Variants in SLC7A5 observed in about 807,000 individuals in gnomAD.
SLC7A5 encodes solute carrier family 7 member 5, also known as large neutral amino acids transporter small subunit 1.
A neutral mutation model predicts 50.2 loss-of-function variants in SLC7A5; 23 were observed. That is an observed-to-expected ratio of 0.46 (90% CI 0.33 to 0.65). SLC7A5 has a LOEUF of 0.65. SLC7A5 is among the 30% of genes least tolerant of loss of function. The pLI is 0.02. For synonymous variants in SLC7A5, 393 were observed against 330.6 expected (o/e 1.19, Z -2.05); for missense variants, 578 against 684.4 (o/e 0.84, Z 1.73).
Position 87,832,532 on chromosome 16 carries a change from G to C in SLC7A5, c.*438C>G, listed in dbSNP as rs1060253. 0.25 allele frequency: 38,908 copies of C among 153,570 alleles called. 5,775 individuals are homozygous for C. Among genetic ancestry groups the C allele is most frequent in the East Asian group, 0.59 (3,061 of 5,172 alleles). The allele number at this position is 153,570 out of a possible 1,614,324, so 9.5% of individuals were successfully genotyped here. ...CTGTCCGGCTTCAGTGCAAGTCTGT[G>C]GTAGCAATGAGGTTCCAAGTCTCAG... On this transcript the variant is annotated 3_prime_UTR_variant, in exon 10 of 10. Transcript: ENST00000261622. The surrounding 1 kb of genome is among the most constrained non-coding windows in gnomAD (Gnocchi z 4.6).
chr16:87,835,537 T>G (rs529214183), intron 8 of SLC7A5, among the ~76,000 whole-genome samples: 3 of 152,376 alleles, frequency 2.0e-5, no homozygotes, highest in Admixed American at 2.0e-4. Flanking sequence ...TCGTCCAGGC[T>G]GGAGTACAGT....
At position 87,862,487 on chromosome 16, in the gene SLC7A5, G is replaced by C. The variant is rs1380564762; in HGVS notation, c.538+6398C>G. Among the ~76,000 whole-genome samples, 1 of 152,220 alleles carries C rather than the reference G, an allele frequency of 6.6e-6. No individual in the cohort carries two copies. The highest frequency in any genetic ancestry group is 2.4e-5 in the African/African-American group (1 of 41,438). On this transcript the variant is annotated intron_variant, in intron 1 of 9. Transcript: ENST00000261622. The surrounding 1 kb of genome is among the most constrained non-coding windows in gnomAD (Gnocchi z 5.3). ...CGACCCTGGGCCTGTGCCGAGCGTG[G>C]GTGGGTGACATCATCTCGCACCCAG...
chr16:87,835,575 G>A (rs2054989781), intron 8 of SLC7A5, among the ~76,000 whole-genome samples: 1 of 152,208 alleles, frequency 6.6e-6, no homozygotes, highest in Non-Finnish European at 1.5e-5. Context: ...CCAGGTTCAT[G>A]CCATTCTCCT....
chr16:87,858,179 A>G (rs968365188), intron 1 of SLC7A5, among the ~76,000 whole-genome samples: 3 of 152,228 alleles, frequency 2.0e-5, no homozygotes, highest in Admixed American at 6.5e-5. Flanking sequence ...AACTCCGGCA[A>G]GTTCCTTTGC....
Position 87,856,358 on chromosome 16 carries a change from G to A in SLC7A5, c.539-4509C>T, listed in dbSNP as rs144979221. Among the ~76,000 whole-genome samples the A allele has an allele frequency of 3.7e-3, 568 of 152,332 alleles. 3 individuals carry two copies. The highest frequency in any genetic ancestry group is 0.012 in the African/African-American group (494 of 41,576). Reference sequence around the variant, plus strand: ...TGTTTACCCAGAACTGCCTGCTGGAGACAGCACAGAGGAAGTGGCCGGCAG... The same window carrying A: ...TGTTTACCCAGAACTGCCTGCTGGAAACAGCACAGAGGAAGTGGCCGGCAG... On this transcript the variant is annotated intron_variant, in intron 1 of 9. Transcript: ENST00000261622.
chr16:87,861,606 G>C lies in SLC7A5; in HGVS notation c.538+7279C>G, dbSNP rs1745024487. On this transcript the variant is annotated intron_variant, in intron 1 of 9. Transcript: ENST00000261622. The surrounding 1 kb of genome is among the most constrained non-coding windows in gnomAD (Gnocchi z 4.2). ...AGAGGTGCCAAGAGGTGGTCCAAGA[G>C]TGTGCCCTACCTTGGACACCCCTCT... Among the ~76,000 whole-genome samples, 2 of 152,194 alleles carry C rather than the reference G, an allele frequency of 1.3e-5. No homozygotes were observed. Among genetic ancestry groups the C allele is most frequent in the Admixed American group, 6.5e-5 (1 of 15,282 alleles).
chr16:87,858,394 C>T (rs572598671), intron 1 of SLC7A5, among the ~76,000 whole-genome samples: 2 of 152,142 alleles, frequency 1.3e-5, no homozygotes, highest in Middle Eastern at 3.2e-3. Context: ...TGGCTAAGTG[C>T]GGAGCCTCAC....
At chr16:87,854,356 T>C (rs1399776364) in intron 1 of SLC7A5, among the ~76,000 whole-genome samples, 1 of 152,222 alleles carries the variant, frequency 6.6e-6, no homozygotes, top group Non-Finnish European at 1.5e-5. Context: ...AACAAAGGTT[T>C]CATTATTCTC....
intron 8 of SLC7A5, among the ~76,000 whole-genome samples, chr16:87,835,747 T>G (rs895153547): frequency 3.9e-5 from 6 of 152,208 alleles, no homozygotes; most frequent in Non-Finnish European, 8.8e-5. Flanking sequence ...GTGCTGGGAT[T>G]ACAGGCGTGA....
intron 7 of SLC7A5, 147 bp downstream of exon 7, chr16:87,837,698 G>C (rs2055025504): frequency 1.6e-6 from 1 of 641,246 alleles, no homozygotes; most frequent in East Asian, 2.7e-5. Flanking sequence ...GCGCTCTCTG[G>C]CATTCAGCGG....
Position 87,852,636 on chromosome 16 carries a change from CTCTGTGTGTGTG to C in SLC7A5, c.539-799_539-788del, listed in dbSNP as rs1392914896. Reference sequence around the variant, plus strand: ...CCCTGTAAGGCACCCAGCTCTGAGCCTCTGTGTGTGTGTGTGTGTGTGTGTGTGTGTGTGTGT... The same window carrying C: ...CCCTGTAAGGCACCCAGCTCTGAGCCTGTGTGTGTGTGTGTGTGTGTGTGT... On this transcript the variant is annotated intron_variant, in intron 1 of 9. Coordinates refer to ENST00000261622, the MANE Select transcript of SLC7A5 (RefSeq NM_003486.7). The surrounding 1 kb of genome is among the most constrained non-coding windows in gnomAD (Gnocchi z 4.5). Among the ~76,000 whole-genome samples the C allele has an allele frequency of 1.1e-4, 11 of 97,438 alleles. No individual in the cohort carries two copies. Among genetic ancestry groups the C allele is most frequent in the East Asian group, 6.2e-4 (1 of 1,602 alleles). 63.9% of individuals were successfully genotyped at this position (97,438 alleles called of 152,430 possible). A position where few individuals can be genotyped will look rare whatever the true frequency, so the allele number is the denominator to read the frequency against.
At chr16:87,857,629 A>T (rs1218725681) in intron 1 of SLC7A5, among the ~76,000 whole-genome samples, 2 of 152,216 alleles carry the variant, frequency 1.3e-5, no homozygotes, top group Non-Finnish European at 2.9e-5. Flanking sequence ...CAGTCTCTGC[A>T]GAGCACAAGG....
Position 87,841,163 on chromosome 16 carries a change from G to T in SLC7A5, c.665-8C>A, listed in dbSNP as rs751000952. 9 of 1,589,962 alleles carry T rather than the reference G, an allele frequency of 5.7e-6. No individual in the cohort carries two copies. The East Asian group carries it at 1.6e-4, about 28-fold the overall frequency. ...CTAGATTGGACACATCACCTGGCAG[G>T]GCCAAAGAAAGGAATGCTGGGTTAG... On this transcript the variant is annotated splice_region_variant and splice_polypyrimidine_tract_variant and intron_variant, in intron 2 of 9. Coordinates refer to ENST00000261622, the MANE Select transcript of SLC7A5 (RefSeq NM_003486.7). The surrounding 1 kb of genome is among the most constrained non-coding windows in gnomAD (Gnocchi z 4.8).
In SLC7A5 at chr16:87,833,293, GC is replaced by G. The variant is rs2054955715; in HGVS notation, c.1469-269del. On this transcript the variant is annotated intron_variant, in intron 9 of 9. Transcript: ENST00000261622. This position sits in a 1 kb window ranked among gnomAD's most constrained non-coding sequence, Gnocchi z 6.0. ...CAGAACCCTGGGGAGGCAGAGTGCGGCCCCTGGGGCACACGAACCAGGCCCT... is the reference window on the plus strand; with the variant it reads ...CAGAACCCTGGGGAGGCAGAGTGCGGCCCTGGGGCACACGAACCAGGCCCT... 6.6e-6 allele frequency among the ~76,000 whole-genome samples: 1 copy of G among 152,252 alleles called. No individual in the cohort carries two copies. The highest frequency in any genetic ancestry group is 2.4e-5 in the African/African-American group (1 of 41,466).
rs986788892 is a variant in SLC7A5, at chr16:87,836,407, T to G, written c.1290+91A>C. 25 of 1,468,844 alleles carry G rather than the reference T, an allele frequency of 1.7e-5. No individual in the cohort carries two copies. In the Admixed American group the frequency reaches 2.7e-4, roughly 16 times the overall value. 91.0% of individuals were successfully genotyped at this position (1,468,844 alleles called of 1,614,324 possible). On this transcript the variant is annotated intron_variant, in intron 8 of 9. Coordinates refer to ENST00000261622, the MANE Select transcript of SLC7A5 (RefSeq NM_003486.7). ...GCAGGGGCAGGTCCAGAGGCTGAGC[T>G]GGGATGCTGGCTCCCAACTCAGGGT...
At chr16:87,837,555 G>A (rs2055022918) in intron 7 of SLC7A5, 4 of 450,884 alleles carry the variant, frequency 8.9e-6, no homozygotes, top group Non-Finnish European at 1.6e-5. Flanking sequence ...GGGCGCCCAC[G>A]GAGGTGCAGT....
At chr16:87,866,907 C>T (rs979390778) in intron 1 of SLC7A5, among the ~76,000 whole-genome samples, 1 of 152,094 alleles carries the variant, frequency 6.6e-6, no homozygotes, top group South Asian at 2.1e-4. Flanking sequence ...CTGGCACCAG[C>T]AGGAAGTCAG....
chr16:87,869,158 A>T lies in SLC7A5; in HGVS notation c.265T>A (p.Trp89Arg). ...AGSPGLALVV[W>R]AACGVFSIVG... ...ATGGAGAAGACGCCGCACGCGGCCC[A>T]CACCACCAGCGCCAGCCCCGGCGAG... Residue 89 changes from tryptophan to arginine, a missense_variant, in exon 1 of 10, where the codon TGG becomes AGG. Physicochemically the swap from Trp to Arg is moderately radical, Grantham distance 101 (BLOSUM62 -3). Transcript: ENST00000261622. 6.2e-7 allele frequency: 1 copy of T among 1,612,014 alleles called. No homozygotes were observed. Among genetic ancestry groups the T allele is most frequent in the Non-Finnish European group, 8.5e-7 (1 of 1,179,742 alleles).
At position 87,869,287 on chromosome 16, in the gene SLC7A5, G is replaced by A. The variant is rs984161429; in HGVS notation, c.136C>T (p.Leu46=). The change falls in exon 1 of 10, where the codon CTG becomes TTG. Residue 46 remains leucine, a synonymous_variant. Transcript: ENST00000261622. ...APAGEGEGVT[L]QRNITLLNGV... ...TTGAGCAGCGTGATGTTCCGCTGCA[G>A]GGTCACGCCCTCGCCCTCGCCTGCC... is the stretch of plus-strand genomic sequence containing the variant. 2.5e-6 allele frequency: 4 copies of A among 1,611,908 alleles called. No homozygotes were observed. The highest frequency in any genetic ancestry group is 3.4e-6 in the Non-Finnish European group (4 of 1,179,812).
Sources: gnomAD v4.1 joint callset for allele counts (sites outside exome capture counted in the v4.1 genomes callset) on GRCh38, gnomAD v4.1.1 for gene constraint, Gnocchi (gnomAD v3.1) non-coding constraint, MANE v1.5 for transcripts, NCBI Gene and HGNC (gene_info 2026-07-23, HGNC 2026-07-21) for gene names.